Variants in SORD observed in about 807,000 individuals in gnomAD.
The protein encoded by SORD is sorbitol dehydrogenase.
In SORD, 18 loss-of-function variants were observed where a neutral mutation model predicts 35.6. The observed-to-expected ratio is 0.51, with a 90% CI of 0.35 to 0.75. The LOEUF (loss-of-function observed/expected upper bound fraction) is 0.75. Ranked by LOEUF, SORD falls within the 30% of genes least tolerant of loss-of-function variation. The pLI, the probability that SORD is intolerant of heterozygous loss-of-function variation, is 0.01. For synonymous variants in SORD, 106 were observed against 152.9 expected (o/e 0.69, Z 2.26); for missense variants, 250 against 390.2 (o/e 0.64, Z 3.03).
At chr15:45,052,707 C>A (rs1357131662) in intron 3 of SORD, among the ~76,000 whole-genome samples, 2 of 152,110 alleles carry the variant, frequency 1.3e-5, no homozygotes, top group Admixed American at 6.5e-5. Flanking sequence ...CACTGCTGCC[C>A]CCACCACCCA....
chr15:45,027,969 T>C (rs141631581), intron 1 of SORD, among the ~76,000 whole-genome samples: 1 of 152,374 alleles, frequency 6.6e-6, no homozygotes, highest in African/African-American at 2.4e-5. Context: ...CAATTTTACT[T>C]TTTCCAGTCG....
At chr15:45,063,247 T>C (rs1311142065) in intron 4 of SORD, among the ~76,000 whole-genome samples, 1 of 151,898 alleles carries the variant, frequency 6.6e-6, no homozygotes, top group Non-Finnish European at 1.5e-5. Flanking sequence ...AGCCTCTTTA[T>C]TTTTGTATCT....
At chr15:45,039,669 A>G (rs1410887994) in intron 1 of SORD, among the ~76,000 whole-genome samples, 1 of 152,178 alleles carries the variant, frequency 6.6e-6, no homozygotes, top group Non-Finnish European at 1.5e-5. Flanking sequence ...TGTGTTCCCA[A>G]GGGGCCCCTC....
chr15:45,072,834 G>A (rs1456445414), intron 8 of SORD, among the ~76,000 whole-genome samples: 1 of 142,040 alleles, frequency 7.0e-6, no homozygotes, highest in South Asian at 2.1e-4. Context: ...TTAGCCCTAG[G>A]GCCCACCCTG....
At chr15:45,024,735 AG>A (rs1248218259) in intron 1 of SORD, among the ~76,000 whole-genome samples, 1 of 152,114 alleles carries the variant, frequency 6.6e-6, no homozygotes, top group Non-Finnish European at 1.5e-5. Context: ...CACTCATGAA[AG>A]GGTGCCTGCC....
rs1595511778 is a variant in SORD, at chr15:45,073,652, T to C, written c.*122T>C. 11 of 1,350,588 alleles carry C rather than the reference T, an allele frequency of 8.1e-6. No homozygotes were observed. The East Asian group carries it at 1.7e-4, about 20-fold the overall frequency. 83.7% of individuals were successfully genotyped at this position (1,350,588 alleles called of 1,614,324 possible). ...TGTTAAGAATAACTAATACAATTCA[T>C]TGTGAACAGAAGTCCTTAAGCAGAG... On this transcript the variant is annotated 3_prime_UTR_variant, in exon 9 of 9. Coordinates refer to ENST00000267814, the MANE Select transcript of SORD (RefSeq NM_003104.6).
intron 4 of SORD, among the ~76,000 whole-genome samples, chr15:45,063,456 T>C (rs1042667979): frequency 1.3e-4 from 19 of 151,570 alleles, no homozygotes; most frequent in Non-Finnish European, 2.4e-4. Context: ...CTGGACAAGA[T>C]TGGGGAGGGT....
chr15:45,039,817 G>A lies in SORD; in HGVS notation c.67-591G>A, dbSNP rs562085132. Among the ~76,000 whole-genome samples the A allele has an allele frequency of 1.0e-3, 154 of 152,298 alleles. 1 individual carries two copies. The highest frequency in any genetic ancestry group is 3.5e-3 in the African/African-American group (147 of 41,556). On this transcript the variant is annotated intron_variant, in intron 1 of 8. Coordinates refer to ENST00000267814, the MANE Select transcript of SORD (RefSeq NM_003104.6). The stretch of plus-strand genomic sequence containing the variant: ...ATCCTCACGTGCAACTGTCAGAAAC[G>A]CCTGCATCCTTTCCCTGGAGGAGTT...
chr15:45,069,194 C>CTTTTTTTTTT (rs752540495), intron 7 of SORD, 142 bp downstream of exon 7: 9 of 116,972 alleles, frequency 7.7e-5, no homozygotes, highest in South Asian at 3.5e-4. Flanking sequence ...TTTTCTTTTT[C>CTTTTTTTTTT]TTTTTTTTTT....
At chr15:45,071,139 C>T (rs189968926) in intron 7 of SORD, among the ~76,000 whole-genome samples, 1 of 152,164 alleles carries the variant, frequency 6.6e-6, no homozygotes, top group African/African-American at 2.4e-5. Context: ...ATGTCATATC[C>T]TTGGTGCAGA....
intron 3 of SORD, among the ~76,000 whole-genome samples, chr15:45,044,681 ATTCT>A (rs1230985825): frequency 5.8e-5 from 8 of 138,640 alleles, no homozygotes; most frequent in Admixed American, 2.4e-4. Context: ...TAGATGTACA[ATTCT>A]TTCTTTCTTT....
rs1892831102 is a variant in SORD at position 45,034,631 on chromosome 15, A to G, written c.67-5777A>G. On this transcript the variant is annotated intron_variant, in intron 1 of 8. Transcript: ENST00000267814. ...AGGAGTGGGCTGGTAGGGCAGCGGG[A>G]GCAGCTGAAGGGGATAGAAGGTGAG... is the stretch of plus-strand genomic sequence containing the variant. 2.6e-5 allele frequency among the ~76,000 whole-genome samples: 4 copies of G among 152,334 alleles called. No individual in the cohort carries two copies. The South Asian group carries it at 8.3e-4, about 32-fold the overall frequency.
chr15:45,061,231 G>C lies in SORD; in HGVS notation c.425+5G>C. On this transcript the variant is annotated splice_donor_5th_base_variant and intron_variant, in intron 4 of 8. Coordinates refer to ENST00000267814, the MANE Select transcript of SORD (RefSeq NM_003104.6). ...CAATGCAGCCTTTTGTTACAAGTTA[G>C]TGTCCACAGTCCCACTGGGTCACCT... is the stretch of plus-strand genomic sequence containing the variant. 2 of 1,614,088 alleles carry C rather than the reference G, an allele frequency of 1.2e-6. No individual in the cohort carries two copies. Among genetic ancestry groups the C allele is most frequent in the South Asian group, 1.1e-5 (1 of 91,084 alleles).
chr15:45,059,557 G>A (rs538947350), intron 3 of SORD, among the ~76,000 whole-genome samples: 1 of 152,312 alleles, frequency 6.6e-6, no homozygotes, highest in Admixed American at 6.5e-5. Context: ...GCAGTGGTGT[G>A]ATCATGTCTC....
At position 45,061,189 on chromosome 15, in the gene SORD, T is replaced by C. The variant is rs778660600; in HGVS notation, c.388T>C (p.Cys130Arg). 2.5e-6 allele frequency: 4 copies of C among 1,614,132 alleles called. No individual in the cohort carries two copies. The highest frequency in any genetic ancestry group is 3.4e-6 in the Non-Finnish European group (4 of 1,180,050). Reference sequence around the variant, plus strand: ...CACGCCCCCCGATGACGGGAACCTCTGCCGGTTCTATAAGCACAATGCAGC... The same window carrying C: ...CACGCCCCCCGATGACGGGAACCTCCGCCGGTTCTATAAGCACAATGCAGC... ...CATPPDDGNLCRFYKHNAAFC... is the reference protein window; with the variant it reads ...CATPPDDGNLRRFYKHNAAFC... Residue 130 changes from cysteine (C) to arginine (R), a missense_variant, in exon 4 of 9, where the codon TGC becomes CGC. Around this residue, in one of 8 missense-constraint regions of SORD, gnomAD observed 126 missense variants for 148.7 expected, o/e 0.85. Coordinates refer to ENST00000267814, the MANE Select transcript of SORD (RefSeq NM_003104.6).
chr15:45,056,044 G>A (rs62025096), intron 3 of SORD, among the ~76,000 whole-genome samples: 1 of 146,738 alleles, frequency 6.8e-6, no homozygotes, highest in African/African-American at 2.5e-5. Flanking sequence ...TACTGAATGG[G>A]CAAAAACTGG....
intron 4 of SORD, among the ~76,000 whole-genome samples, chr15:45,063,258 A>C (rs1303911096): frequency 6.6e-6 from 1 of 151,284 alleles, no homozygotes; most frequent in Non-Finnish European, 1.5e-5. Context: ...TTTTGTATCT[A>C]TTTTCTTTCT....
intron 3 of SORD, among the ~76,000 whole-genome samples, chr15:45,048,168 ACTGT>A (rs1385060166): frequency 2.0e-5 from 3 of 152,140 alleles, no homozygotes; most frequent in Non-Finnish European, 4.4e-5. Context: ...GAAAAGTGCT[ACTGT>A]CTTTAACCAA....
intron 5 of SORD, among the ~76,000 whole-genome samples, chr15:45,067,559 C>T (rs1893426729): frequency 6.6e-6 from 1 of 152,170 alleles, no homozygotes; most frequent in South Asian, 2.1e-4. Flanking sequence ...GTCTGCATTG[C>T]TTTCATTCCG....
Sources: gnomAD v4.1 joint callset for allele counts (sites outside exome capture counted in the v4.1 genomes callset) on GRCh38, gnomAD v4.1.1 for gene constraint, gnomAD v4.1.1 regional missense constraint, MANE v1.5 for transcripts, NCBI Gene and HGNC (gene_info 2026-07-23, HGNC 2026-07-21) for gene names.